Variants in MYO15B observed in about 807,000 individuals in gnomAD.
The protein encoded by MYO15B is myosin XVB.
Under a neutral mutation model 119.3 loss-of-function variants are expected in MYO15B, and 207 were observed. That is an observed-to-expected ratio of 1.73 (90% confidence interval 1.55 to 1.95). The LOEUF (loss-of-function observed/expected upper bound fraction) is 1.95, where lower values mean the gene tolerates loss of function less well. Among genes scored for constraint, MYO15B ranks in the 30% most tolerant of loss-of-function variants. The pLI is 0.00. For synonymous variants in MYO15B, 966 were observed against 498.9 expected (o/e 1.94, Z -12.48); for missense variants, 2,264 against 1,203.1 (o/e 1.88, Z -13.04).
chr17:75,598,540 A>AAAAAAAAAAG lies in MYO15B; in HGVS notation c.3525+1647_3525+1648insAAAGAAAAAA, dbSNP rs1568134655. On this transcript the variant is annotated intron_variant, in intron 14 of 63. Transcript: ENST00000645453. ...GAGACTCCATCTCAAAAAAAAAAAA[A>AAAAAAAAAAG]AAAAAAGAAAATGAAAGGTGAAAAA... 1.0e-4 allele frequency among the ~76,000 whole-genome samples: 15 copies of AAAAAAAAAAG among 142,934 alleles called. 1 individual carries two copies. The highest frequency in any genetic ancestry group is 1.1e-4 in the Non-Finnish European group (7 of 66,394). The allele number at this position is 142,934 out of a possible 152,430, so 93.8% of individuals were successfully genotyped here.
chr17:75,593,629 AAC>A (rs1355918719), intron 9 of MYO15B, among the ~76,000 whole-genome samples: 1 of 151,176 alleles, frequency 6.6e-6, no homozygotes, highest in African/African-American at 2.4e-5. Flanking sequence ...AAAAAAAAAA[AAC>A]AAAACAGACT....
At chr17:75,594,105 G>A (rs5014357) in intron 9 of MYO15B, among the ~76,000 whole-genome samples, 6,348 of 133,646 alleles carry the variant, frequency 0.047, 510 homozygotes, top group African/African-American at 0.16. Context: ...AAAAAAAAAA[G>A]AAAAAAAAAA....
intron 2 of MYO15B, 21 bp from the exon 3 acceptor site, chr17:75,590,886 A>G (rs2056397967): frequency 2.4e-6 from 1 of 417,870 alleles, no homozygotes; most frequent in Non-Finnish European, 4.4e-6. Flanking sequence ...CACTCTGATG[A>G]GAGCTTGTTT....
At chr17:75,620,713 C>T (rs779754995) in intron 49 of MYO15B, 77 bp downstream of exon 49, 8 of 690,850 alleles carry the variant, frequency 1.2e-5, no homozygotes, top group Admixed American at 6.1e-5. Context: ...TGACCACTCC[C>T]GAGGCTGCCA....
In MYO15B at chr17:75,589,977, C is replaced by T. The variant is rs1047392393; in HGVS notation, c.1920C>T (p.Gly640=). The T allele has an allele frequency of 2.5e-6, 1 of 398,598 alleles. No homozygotes were observed. Among genetic ancestry groups the T allele is most frequent in the African/African-American group, 2.1e-5 (1 of 48,636 alleles). The allele number at this position is 398,598 out of a possible 1,614,324, so 24.7% of individuals were successfully genotyped here. Residue 640 remains glycine (G), a synonymous_variant, in exon 1 of 64, where the codon GGC becomes GGT. Transcript: ENST00000645453. This position sits in a 1 kb window ranked among gnomAD's most constrained non-coding sequence, Gnocchi z 4.2. Reference sequence around the variant, plus strand: ...AGCCCCCGGTGCGCTGGGCGCAGGGCTCAGGCCCCCACGAGGGTCCTAGGC... The same window carrying T: ...AGCCCCCGGTGCGCTGGGCGCAGGGTTCAGGCCCCCACGAGGGTCCTAGGC...
At chr17:75,614,328 C>A (rs935625811) in exon 30 of MYO15B, 1 of 702,702 alleles carries the variant, frequency 1.4e-6, no homozygotes, top group African/African-American at 1.7e-5. Flanking sequence ...ACCCAGCTCG[C>A]CCCCGCAGCT....
At chr17:75,612,538 G>A (rs952470229) in intron 25 of MYO15B, among the ~76,000 whole-genome samples, 3 of 152,002 alleles carry the variant, frequency 2.0e-5, no homozygotes, top group African/African-American at 7.2e-5. Flanking sequence ...CCAGACATGC[G>A]CCTGTAGTCC....
intron 52 of MYO15B, 194 bp from the exon 53 acceptor site, chr17:75,621,810 T>C: frequency 3.3e-6 from 2 of 609,524 alleles, no homozygotes; most frequent in Non-Finnish European, 5.9e-6. Context: ...CTATGTGCTG[T>C]GTGGGGCCTT....
At position 75,615,499 on chromosome 17, in the gene MYO15B, A is replaced by T; in HGVS notation, c.5741-4A>T. 2.9e-6 allele frequency: 2 copies of T among 691,204 alleles called. No homozygotes were observed. The highest frequency in any genetic ancestry group is 5.3e-6 in the Non-Finnish European group (2 of 379,210). The allele number at this position is 691,204 out of a possible 1,614,324, so 42.8% of individuals were successfully genotyped here. On this transcript the variant is annotated splice_polypyrimidine_tract_variant and splice_region_variant and intron_variant, in intron 34 of 63. Transcript: ENST00000645453. ...ACCACTCTGGCCGCCTGCCGCCCTC[A>T]CAGCCATGGTGGTGCCGCCGCAGCC...
At position 75,592,595 on chromosome 17, in the gene MYO15B, G is replaced by A; in HGVS notation, c.2829+54G>A. ...GAGGCCTGCCCAGAGGAGGATCTCGGCCCGGAGGTCTGAGGAGTAGCCGGA... is the reference window on the plus strand; with the variant it reads ...GAGGCCTGCCCAGAGGAGGATCTCGACCCGGAGGTCTGAGGAGTAGCCGGA... On this transcript the variant is annotated intron_variant, in intron 8 of 63. Coordinates refer to ENST00000645453, the Ensembl canonical transcript of MYO15B. 4.8e-6 allele frequency: 3 copies of A among 628,168 alleles called. No homozygotes were observed. In the South Asian group the frequency reaches 5.4e-5, roughly 11 times the overall value. 38.9% of individuals were successfully genotyped at this position (628,168 alleles called of 1,614,324 possible).
At chr17:75,624,625 T>A (rs1237126662) in exon 58 of MYO15B, 2 of 702,574 alleles carry the variant, frequency 2.8e-6, no homozygotes, top group East Asian at 5.4e-5. Flanking sequence ...GCCCTCTTCC[T>A]CATCAAAGAG....
chr17:75,620,397 A>G (rs1271213160), intron 48 of MYO15B, 40 bp downstream of exon 48: 1 of 702,816 alleles, frequency 1.4e-6, no homozygotes, highest in Non-Finnish European at 2.6e-6. Context: ...CAGGGAGGGC[A>G]TCCACTTGGC....
In MYO15B at chr17:75,592,431, C is replaced by T. The variant is rs1307622724; in HGVS notation, c.2719C>T (p.Gln907Ter). Residue 907 changes from glutamine (Q) to a stop codon, truncating the protein, a stop_gained, in exon 8 of 64, where the codon CAG (glutamine) becomes TAG (stop). Transcript: ENST00000645453. LOFTEE classifies it high-confidence loss of function. ...CTAAGCCAGTCCTGTCCCCAAGGCCCAGGCTGAGCGGAGCTTCCATGTTTT... is the reference window on the plus strand; with the variant it reads ...CTAAGCCAGTCCTGTCCCCAAGGCCTAGGCTGAGCGGAGCTTCCATGTTTT... The T allele has an allele frequency of 1.6e-6, 1 of 625,724 alleles. No individual in the cohort carries two copies. Among genetic ancestry groups the T allele is most frequent in the Non-Finnish European group, 2.9e-6 (1 of 350,054 alleles). The allele number at this position is 625,724 out of a possible 1,614,324, so 38.8% of individuals were successfully genotyped here. A position where few individuals can be genotyped will look rare whatever the true frequency, so the allele number is the denominator to read the frequency against.
At chr17:75,610,393 T>C in intron 22 of MYO15B, 134 bp downstream of exon 22, 1 of 551,918 alleles carries the variant, frequency 1.8e-6, no homozygotes, top group East Asian at 3.0e-5. Flanking sequence ...CAGTGCTCCT[T>C]GAACTCATCC....
At chr17:75,601,794 G>A (rs146833301) in intron 15 of MYO15B, among the ~76,000 whole-genome samples, 3 of 152,354 alleles carry the variant, frequency 2.0e-5, no homozygotes, top group African/African-American at 4.8e-5. Flanking sequence ...CAGACAAGTG[G>A]GCAGAGCACA....
At position 75,615,339 on chromosome 17, in the gene MYO15B, G is replaced by T; in HGVS notation, c.5740+1G>T. The T allele has an allele frequency of 1.4e-6, 1 of 702,026 alleles. No individual in the cohort carries two copies. The highest frequency in any genetic ancestry group is 1.5e-5 in the South Asian group (1 of 67,504). 43.5% of individuals were successfully genotyped at this position (702,026 alleles called of 1,614,324 possible). ...ATGGGCACAGTCCCTGCCATGCCAG[G>T]TAAGTCTGGGCTGGGGGCACCAGAG... On this transcript the variant is annotated splice_donor_variant, in intron 34 of 63. Transcript: ENST00000645453. LOFTEE classifies it high-confidence loss of function.
At chr17:75,619,097 G>C (rs1162106448) in intron 43 of MYO15B, 46 bp from the exon 44 acceptor site, 7 of 702,252 alleles carry the variant, frequency 1.0e-5, no homozygotes, top group Non-Finnish European at 1.8e-5. Context: ...TCTGGGGGTG[G>C]GCTCTGTCTC....
At chr17:75,622,874 G>A (rs1391432238) in intron 53 of MYO15B, among the ~76,000 whole-genome samples, 16 of 152,154 alleles carry the variant, frequency 1.1e-4, no homozygotes, top group Non-Finnish European at 1.8e-4. Flanking sequence ...TCCCAGTGGA[G>A]GAGTCTGGGG....
chr17:75,622,336 A>C (rs1002332638), intron 53 of MYO15B, among the ~76,000 whole-genome samples: 9 of 152,308 alleles, frequency 5.9e-5, no homozygotes, highest in Middle Eastern at 3.4e-3. Flanking sequence ...GCAGTGGAGA[A>C]GGCTTTGTGG....
Sources: allele counts gnomAD v4.1 joint callset (sites outside exome capture counted in the v4.1 genomes callset), GRCh38; gene constraint gnomAD v4.1.1; non-coding constraint Gnocchi (gnomAD v3.1); transcripts MANE v1.5; gene names NCBI Gene and HGNC (gene_info 2026-07-23, HGNC 2026-07-21).